PRR5L: variants seen among roughly 807,000 people sequenced by gnomAD.
PRR5L encodes the protein proline rich 5 like.
PRR5L carries 21 observed loss-of-function variants against 36.4 expected under a neutral mutation model. The observed-to-expected ratio is 0.58, with a 90% CI of 0.41 to 0.83. The LOEUF (loss-of-function observed/expected upper bound fraction) is 0.83, where lower values mean the gene tolerates loss of function less well. Among genes scored for constraint, PRR5L ranks in the 40% least tolerant of loss-of-function variants. The pLI is 0.00. For missense variants in PRR5L, 381 were observed against 473.3 expected (o/e 0.80, Z 1.81); for synonymous variants, 188 against 197.0 (o/e 0.95, Z 0.38).
intron 8 of PRR5L, chr11:36,453,924 G>A (rs1468788966): frequency 1.3e-5 from 2 of 152,574 alleles, no homozygotes; most frequent in Non-Finnish European, 2.9e-5. Flanking sequence ...AGGACAGGAG[G>A]TGAGCAAGAG....
At chr11:36,354,186 G>C (rs1045825309) in intron 1 of PRR5L, among the ~76,000 whole-genome samples, 2 of 152,182 alleles carry the variant, frequency 1.3e-5, no homozygotes, top group Non-Finnish European at 2.9e-5. Context: ...GTCACTTCCT[G>C]ACTGTTTTGA....
At chr11:36,371,617 G>A (rs189408042) in intron 1 of PRR5L, among the ~76,000 whole-genome samples, 1 of 152,204 alleles carries the variant, frequency 6.6e-6, no homozygotes, top group African/African-American at 2.4e-5. Context: ...AAACTTATGG[G>A]AGGATATATG....
intron 1 of PRR5L, among the ~76,000 whole-genome samples, chr11:36,359,557 C>G (rs1388609447): frequency 6.6e-6 from 1 of 152,050 alleles, no homozygotes; most frequent in Non-Finnish European, 1.5e-5. Flanking sequence ...AATAATGATG[C>G]AAAGATGTCA....
At chr11:36,325,101 C>T (rs182952681) in intron 1 of PRR5L, among the ~76,000 whole-genome samples, 4 of 152,126 alleles carry the variant, frequency 2.6e-5, no homozygotes, top group Non-Finnish European at 4.4e-5. Flanking sequence ...CTTGGCCTCA[C>T]GGATTCCAAA....
intron 1 of PRR5L, chr11:36,393,916 T>A (rs890315368): frequency 3.9e-5 from 6 of 152,206 alleles, no homozygotes; most frequent in African/African-American, 1.2e-4. Flanking sequence ...TGTGACGGCA[T>A]GGCTACAAGG....
chr11:36,393,147 G>C (rs1279671849), intron 1 of PRR5L, among the ~76,000 whole-genome samples: 1 of 152,106 alleles, frequency 6.6e-6, no homozygotes, highest in Non-Finnish European at 1.5e-5. Context: ...TCACCTTGTT[G>C]ATTGGTATCT....
intron 8 of PRR5L, 126 bp downstream of exon 8, chr11:36,451,461 C>T (rs1336144741): frequency 8.4e-7 from 1 of 1,191,440 alleles, no homozygotes; most frequent in Admixed American, 2.4e-5. Context: ...CTTTTGCTTC[C>T]TGTGCGGGTC....
At chr11:36,349,771 C>T (rs1320246389) in intron 1 of PRR5L, 2 of 152,178 alleles carry the variant, frequency 1.3e-5, no homozygotes, top group Non-Finnish European at 2.9e-5. Context: ...GATTTATAAG[C>T]CCTACCAATT....
intron 8 of PRR5L, among the ~76,000 whole-genome samples, chr11:36,451,618 T>A (rs1221057780): frequency 6.6e-6 from 1 of 152,228 alleles, no homozygotes; most frequent in Non-Finnish European, 1.5e-5. Flanking sequence ...TCAGTGGCTT[T>A]GATCATTTTG....
At chr11:36,334,440 G>T (rs564862135) in intron 1 of PRR5L, among the ~76,000 whole-genome samples, 2 of 152,280 alleles carry the variant, frequency 1.3e-5, no homozygotes, top group East Asian at 3.9e-4. Flanking sequence ...TCTGGCCCTT[G>T]CCTGCCTTGT....
intron 1 of PRR5L, among the ~76,000 whole-genome samples, chr11:36,324,758 A>G (rs1196084630): frequency 6.6e-6 from 1 of 152,168 alleles, no homozygotes; most frequent in Non-Finnish European, 1.5e-5. Context: ...ACAATACTGA[A>G]AACTAAAAAG....
chr11:36,369,674 C>T (rs554692739), intron 1 of PRR5L, among the ~76,000 whole-genome samples: 43 of 152,226 alleles, frequency 2.8e-4, no homozygotes, highest in Admixed American at 2.5e-3. Flanking sequence ...CAGCTCACCA[C>T]ACCTCTGCCT....
chr11:36,432,988 A>G (rs565094704), intron 5 of PRR5L, among the ~76,000 whole-genome samples: 1 of 152,158 alleles, frequency 6.6e-6, no homozygotes, highest in Non-Finnish European at 1.5e-5. Context: ...CACATTTGAG[A>G]GTTGGCTGAA....
intron 3 of PRR5L, among the ~76,000 whole-genome samples, chr11:36,413,730 TATTATA>T (rs932292098): frequency 9.1e-5 from 13 of 143,414 alleles, no homozygotes; most frequent in Non-Finnish European, 1.8e-4. Context: ...ATTTTATTAT[TATTATA>T]CTTTTAGTGT....
chr11:36,377,948 A>G lies in PRR5L; in HGVS notation c.-125-23049A>G, dbSNP rs945216222. Among the ~76,000 whole-genome samples, 1 of 152,096 alleles carries G rather than the reference A, an allele frequency of 6.6e-6. No homozygotes were observed. The highest frequency in any genetic ancestry group is 2.4e-5 in the African/African-American group (1 of 41,408). On this transcript the variant is annotated intron_variant, in intron 1 of 8. Transcript: ENST00000530639. The surrounding 1 kb of genome is among the most constrained non-coding windows in gnomAD (Gnocchi z 5.1). The stretch of plus-strand genomic sequence containing the variant: ...CGTGCACATTCAGATGACCCATGCT[A>G]AGGACCAAAGGGATGCCACCGGCCC...
intron 1 of PRR5L, among the ~76,000 whole-genome samples, chr11:36,389,432 C>T (rs1857521077): frequency 6.6e-6 from 1 of 152,172 alleles, no homozygotes; most frequent in Non-Finnish European, 1.5e-5. Context: ...TAGGTTATCT[C>T]ATTTTCATCT....
intron 1 of PRR5L, among the ~76,000 whole-genome samples, chr11:36,397,928 C>T (rs755582591): frequency 8.6e-5 from 13 of 151,778 alleles, no homozygotes; most frequent in African/African-American, 2.4e-4. Context: ...CCCGAGTCGC[C>T]GGGATTAAAG....
intron 1 of PRR5L, among the ~76,000 whole-genome samples, chr11:36,302,471 TA>T (rs1856387058): frequency 6.6e-6 from 1 of 151,988 alleles, no homozygotes; most frequent in Non-Finnish European, 1.5e-5. Context: ...ACAGCATAAC[TA>T]GGGGGGCTTC....
rs1857302843 is a variant in PRR5L at position 36,377,822 on chromosome 11, G to C, written c.-125-23175G>C. 6.6e-6 allele frequency: 1 copy of C among 152,250 alleles called. No individual in the cohort carries two copies. The highest frequency in any genetic ancestry group is 1.5e-5 in the Non-Finnish European group (1 of 68,068). The allele number at this position is 152,250 out of a possible 1,614,324, so 9.4% of individuals were successfully genotyped here. ...CGAAAGGTTCACGCGCTGCGTCTGAGCTGCACGTCTGCCCCGGAGACCCGC... is the reference window on the plus strand; with the variant it reads ...CGAAAGGTTCACGCGCTGCGTCTGACCTGCACGTCTGCCCCGGAGACCCGC... On this transcript the variant is annotated intron_variant, in intron 1 of 8. Coordinates refer to ENST00000530639, the MANE Select transcript of PRR5L (RefSeq NM_001160167.2). This position sits in a 1 kb window ranked among gnomAD's most constrained non-coding sequence, Gnocchi z 5.1.
Sources: gnomAD v4.1 joint callset for allele counts (sites outside exome capture counted in the v4.1 genomes callset) on GRCh38, gnomAD v4.1.1 for gene constraint, Gnocchi (gnomAD v3.1) non-coding constraint, MANE v1.5 for transcripts, NCBI Gene and HGNC (gene_info 2026-07-23, HGNC 2026-07-21) for gene names.